Variants in CRB1 observed in about 807,000 individuals in gnomAD.
The protein encoded by CRB1 is protein crumbs homolog 1.
Under a neutral mutation model 120.0 loss-of-function variants are expected in CRB1, and 83 were observed. That is an observed-to-expected ratio of 0.69 (90% CI 0.58 to 0.83). CRB1 has a LOEUF of 0.83. Among genes scored for constraint, CRB1 ranks in the 40% least tolerant of loss-of-function variants. CRB1 has a pLI of 0.00. For missense variants in CRB1, 1,699 were observed against 1,687.6 expected (o/e 1.01, Z -0.12); for synonymous variants, 625 against 612.5 (o/e 1.02, Z -0.30).
the CRB1 span, among the ~76,000 whole-genome samples, chr1:197,235,815 C>A: frequency 5.9e-5 from 9 of 152,072 alleles, no homozygotes; most frequent in African/African-American, 2.2e-4. Context: ...TGGCTTTTTT[C>A]TTAAAACCTA....
chr1:197,415,665 C>CAT (rs1663956775), intron 5 of CRB1, among the ~76,000 whole-genome samples: 2 of 96,760 alleles, frequency 2.1e-5, no homozygotes, highest in African/African-American at 7.9e-5. Context: ...TTTTTTGAGA[C>CAT]AGAGTCTCAC....
chr1:197,472,357 C>T (rs1285830501), intron 11 of CRB1, among the ~76,000 whole-genome samples: 2 of 152,188 alleles, frequency 1.3e-5, no homozygotes, highest in Non-Finnish European at 1.5e-5. Context: ...TAACCGCAAA[C>T]ATACTTCTGT....
intron 5 of CRB1, among the ~76,000 whole-genome samples, chr1:197,385,977 C>A (rs539411350): frequency 6.6e-6 from 1 of 152,120 alleles, no homozygotes; most frequent in African/African-American, 2.4e-5. Context: ...CTATCCATTT[C>A]CCAGCAAAGT....
rs1322789166 is a variant in CRB1 at position 197,472,262 on chromosome 1, A to G, written c.4006-5402A>G. 2.0e-5 allele frequency among the ~76,000 whole-genome samples: 3 copies of G among 152,206 alleles called. No homozygotes were observed. The East Asian group carries it at 5.8e-4, about 29-fold the overall frequency. On this transcript the variant is annotated intron_variant, in intron 11 of 11. Transcript: ENST00000367400. ...TATGTAACTGATATACATACAACTG[A>G]ATTCCAGGAAAGACTTGAAGTAATT... is the stretch of plus-strand genomic sequence containing the variant.
the CRB1 span, among the ~76,000 whole-genome samples, chr1:197,239,597 A>G: frequency 1.3e-5 from 2 of 151,944 alleles, no homozygotes; most frequent in African/African-American, 4.8e-5. Flanking sequence ...GGTTTCTTAT[A>G]GACAGCATAT....
At chr1:197,379,605 CAAAAAAAA>C in intron 5 of CRB1, among the ~76,000 whole-genome samples, 1 of 74,382 alleles carries the variant, frequency 1.3e-5, no homozygotes, top group Non-Finnish European at 2.5e-5. Flanking sequence ...CGGCCCCGGC[CAAAAAAAA>C]AAAAAAAAAA....
chr1:197,284,016 T>C (rs1655684141), intron 1 of CRB1, among the ~76,000 whole-genome samples: 1 of 151,904 alleles, frequency 6.6e-6, no homozygotes, highest in African/African-American at 2.4e-5. Context: ...TTATAAGCTA[T>C]GTGGGTTTGA....
chr1:197,373,752 C>T (rs538718307), intron 5 of CRB1, among the ~76,000 whole-genome samples: 2 of 152,040 alleles, frequency 1.3e-5, no homozygotes, highest in East Asian at 3.9e-4. Flanking sequence ...ATGCCAGCAG[C>T]CTTATCAGAG....
chr1:197,367,666 T>G (rs1661146505), intron 5 of CRB1, among the ~76,000 whole-genome samples: 1 of 152,288 alleles, frequency 6.6e-6, no homozygotes, highest in East Asian at 1.9e-4. Flanking sequence ...AACCATCTCA[T>G]CCAAGTCCAA....
the CRB1 span, among the ~76,000 whole-genome samples, chr1:197,245,749 C>G: frequency 7.2e-3 from 1,092 of 152,110 alleles, 11 homozygotes; most frequent in African/African-American, 0.024. Context: ...TGACGCTGCT[C>G]CAGCATGGGA....
At chr1:197,269,975 G>A (rs1413296713) in intron 1 of CRB1, among the ~76,000 whole-genome samples, 2 of 151,960 alleles carry the variant, frequency 1.3e-5, no homozygotes, top group Admixed American at 6.6e-5. Flanking sequence ...CATTTTCTTC[G>A]ATTTTTAAGC....
intron 11 of CRB1, among the ~76,000 whole-genome samples, chr1:197,461,950 A>C (rs770283229): frequency 1.3e-5 from 2 of 152,196 alleles, no homozygotes; most frequent in African/African-American, 2.4e-5. Context: ...TTCTCAAGAT[A>C]GAAATGTATG....
chr1:197,263,877 T>A (rs1654572911), upstream of CRB1, among the ~76,000 whole-genome samples: 1 of 152,186 alleles, frequency 6.6e-6, no homozygotes, highest in Non-Finnish European at 1.5e-5. Flanking sequence ...TGACTTTTTT[T>A]ATTTTTAGAA....
At chr1:197,396,940 A>T (rs939146872) in intron 5 of CRB1, among the ~76,000 whole-genome samples, 2 of 152,166 alleles carry the variant, frequency 1.3e-5, no homozygotes, top group Admixed American at 1.3e-4. Context: ...AGGGAATCTG[A>T]TAAATTGCAC....
At chr1:197,331,051 G>A (rs1350627770) in intron 2 of CRB1, among the ~76,000 whole-genome samples, 1 of 151,896 alleles carries the variant, frequency 6.6e-6, no homozygotes, top group Admixed American at 6.6e-5. Context: ...GTGTGGTGGC[G>A]GGCGCCTGTA....
At chr1:197,438,246 T>C (rs1665254928) in intron 9 of CRB1, 7 of 350,838 alleles carry the variant, frequency 2.0e-5, no homozygotes, top group East Asian at 7.1e-5. Flanking sequence ...AATCTAGTTA[T>C]AGCAAGTTCT....
At position 197,328,453 on chromosome 1, in the gene CRB1, C is replaced by G. The variant is rs2125303585; in HGVS notation, c.102C>G (p.Cys34Trp). The change falls in exon 2 of 12, where the codon TGC (cysteine) becomes TGG (tryptophan). Residue 34 changes from cysteine (C) to tryptophan (W), a missense_variant. By Grantham distance (215) the Cys-to-Trp change is radical (BLOSUM62 -2). Coordinates refer to ENST00000367400, the MANE Select transcript of CRB1 (RefSeq NM_201253.3). ...TTTGCAATAAAAACAACACCAGGTG[C>G]CTCTCAAATTCTTGCCAAAACAATT... ...NSFCNKNNTR[C>W]LSNSCQNNST... 6 of 1,613,966 alleles carry G rather than the reference C, an allele frequency of 3.7e-6. No homozygotes were observed. In the East Asian group the frequency reaches 8.9e-5, roughly 24 times the overall value.
chr1:197,367,746 G>T (rs1661151065), intron 5 of CRB1, among the ~76,000 whole-genome samples: 1 of 152,110 alleles, frequency 6.6e-6, no homozygotes, highest in Admixed American at 6.5e-5. Context: ...CACCCTCCCT[G>T]GTCTCTGGAA....
chr1:197,206,137 C>T, the CRB1 span, among the ~76,000 whole-genome samples: 3 of 151,880 alleles, frequency 2.0e-5, no homozygotes, highest in Non-Finnish European at 4.4e-5. Context: ...TTAATTTGAT[C>T]TTCTCCTTTT....
Sources: gnomAD v4.1 joint callset for allele counts (sites outside exome capture counted in the v4.1 genomes callset) on GRCh38, gnomAD v4.1.1 for gene constraint, MANE v1.5 for transcripts, NCBI Gene and HGNC (gene_info 2026-07-23, HGNC 2026-07-21) for gene names.